Variants in ADAMTSL1 observed in about 807,000 individuals in gnomAD.
The protein encoded by ADAMTSL1 is ADAMTS like 1.
A neutral mutation model predicts 201.8 loss-of-function variants in ADAMTSL1; 126 were observed. The ratio of observed to expected loss-of-function variants is 0.62; its 90% CI spans 0.54 to 0.72. ADAMTSL1 has a LOEUF of 0.72. Ranked by LOEUF, ADAMTSL1 falls within the 30% of genes least tolerant of loss-of-function variation. The probability of loss-of-function intolerance (pLI) is 0.00; values close to 1 mark genes in which losing one functional copy is unlikely to be tolerated. For missense variants in ADAMTSL1, 2,679 were observed against 2,277.8 expected (o/e 1.18, Z -3.59); for synonymous variants, 1,121 against 903.4 (o/e 1.24, Z -4.32).
At chr9:18,843,103 T>C (rs1825841069) in intron 23 of ADAMTSL1, among the ~76,000 whole-genome samples, 1 of 151,178 alleles carries the variant, frequency 6.6e-6, no homozygotes, top group South Asian at 2.1e-4. Context: ...ATTTTGCTCG[T>C]TAGTTGATGC....
chr9:18,168,416 G>C (rs1470096287), intron 2 of ADAMTSL1, among the ~76,000 whole-genome samples: 2 of 151,850 alleles, frequency 1.3e-5, no homozygotes, highest in African/African-American at 2.4e-5. Flanking sequence ...GAGAATGATG[G>C]TTTCCAGCTT....
At chr9:18,222,430 A>G (rs1022983262) in intron 2 of ADAMTSL1, among the ~76,000 whole-genome samples, 8 of 151,830 alleles carry the variant, frequency 5.3e-5, no homozygotes, top group Non-Finnish European at 1.5e-5. Flanking sequence ...TGTGACATAC[A>G]TATTTAAATT....
At chr9:18,092,274 G>A (rs1164136798) in intron 1 of ADAMTSL1, among the ~76,000 whole-genome samples, 1 of 152,146 alleles carries the variant, frequency 6.6e-6, no homozygotes, top group African/African-American at 2.4e-5. Context: ...AGGTACCCAA[G>A]GCTGTGAGAG....
intron 4 of ADAMTSL1, among the ~76,000 whole-genome samples, chr9:18,606,664 T>C (rs1390570053): frequency 6.6e-6 from 1 of 152,204 alleles, no homozygotes; most frequent in East Asian, 1.9e-4. Context: ...TTTTGTCACC[T>C]GTTCAGTTGC....
intron 4 of ADAMTSL1, among the ~76,000 whole-genome samples, chr9:18,609,712 A>T (rs1379038061): frequency 6.6e-6 from 1 of 152,082 alleles, no homozygotes; most frequent in Non-Finnish European, 1.5e-5. Flanking sequence ...GTGACTACAT[A>T]TCCCCCCCCT....
intron 1 of ADAMTSL1, among the ~76,000 whole-genome samples, chr9:18,032,814 T>C (rs369975411): frequency 3.4e-4 from 52 of 152,290 alleles, no homozygotes; most frequent in African/African-American, 1.2e-3. Context: ...CTGTGGGTTT[T>C]TTGGAGTTCC....
intron 1 of ADAMTSL1, among the ~76,000 whole-genome samples, chr9:18,133,889 C>G (rs1419382815): frequency 6.6e-6 from 1 of 152,144 alleles, no homozygotes; most frequent in Non-Finnish European, 1.5e-5. Context: ...AACCATGATA[C>G]AATATTACAT....
At chr9:18,412,530 T>C (rs1386208783) in intron 2 of ADAMTSL1, among the ~76,000 whole-genome samples, 3 of 152,240 alleles carry the variant, frequency 2.0e-5, no homozygotes, top group Non-Finnish European at 2.9e-5. Flanking sequence ...AAAGATAGGA[T>C]AAATGCTTCA....
chr9:18,110,482 T>A (rs1486050196), intron 1 of ADAMTSL1, among the ~76,000 whole-genome samples: 1 of 152,186 alleles, frequency 6.6e-6, no homozygotes, highest in Non-Finnish European at 1.5e-5. Context: ...AGATAACTTC[T>A]TGTGACACAC....
Position 17,999,580 on chromosome 9 carries a change from GC to G in ADAMTSL1, c.87+92664del, listed in dbSNP as rs199618720. Among the ~76,000 whole-genome samples the G allele has an allele frequency of 7.5e-3, 1,125 of 150,176 alleles. 17 individuals carry two copies. The highest frequency in any genetic ancestry group is 0.026 in the African/African-American group (1,047 of 40,852). On this transcript the variant is annotated intron_variant, in intron 1 of 29. Coordinates refer to the ADAMTSL1 transcript ENST00000680146. ...TCATCATCCTTGATTTTTTTAGTGT[GC>G]CCCCCAGAAAATATTTTCAGACACT...
intron 3 of ADAMTSL1, among the ~76,000 whole-genome samples, chr9:18,554,898 G>A (rs778456018): frequency 2.0e-5 from 3 of 151,244 alleles, no homozygotes; most frequent in Non-Finnish European, 3.0e-5. Flanking sequence ...CATAGTTTAC[G>A]TCAAGGTTTA....
chr9:18,599,331 C>G (rs1824476173), intron 4 of ADAMTSL1, among the ~76,000 whole-genome samples: 2 of 152,168 alleles, frequency 1.3e-5, no homozygotes, highest in African/African-American at 2.4e-5. Flanking sequence ...TCCAGCTCTC[C>G]TGGCACCTGT....
At chr9:17,972,464 T>G (rs1401840497) in intron 1 of ADAMTSL1, among the ~76,000 whole-genome samples, 6 of 151,664 alleles carry the variant, frequency 4.0e-5, no homozygotes, top group Non-Finnish European at 8.8e-5. Flanking sequence ...GTTTCCAGTT[T>G]CATCCATGTC....
intron 9 of ADAMTSL1, among the ~76,000 whole-genome samples, chr9:18,664,627 T>C (rs908013402): frequency 3.3e-5 from 5 of 151,986 alleles, no homozygotes; most frequent in African/African-American, 1.2e-4. Flanking sequence ...GAGTCCCTTG[T>C]AGTAAGAAAA....
At chr9:18,179,572 T>C (rs1192000744) in intron 2 of ADAMTSL1, among the ~76,000 whole-genome samples, 2 of 152,146 alleles carry the variant, frequency 1.3e-5, no homozygotes, top group African/African-American at 2.4e-5. Flanking sequence ...GACACATAAT[T>C]GTCAGATTCA....
intron 15 of ADAMTSL1, among the ~76,000 whole-genome samples, chr9:18,724,701 A>G (rs1817759211): frequency 6.6e-6 from 1 of 152,200 alleles, no homozygotes. Flanking sequence ...AGTGTTTATT[A>G]TATAAATGAG....
chr9:18,060,210 A>G (rs1254432067), intron 1 of ADAMTSL1, among the ~76,000 whole-genome samples: 1 of 152,098 alleles, frequency 6.6e-6, no homozygotes, highest in Non-Finnish European at 1.5e-5. Context: ...CATATCATAT[A>G]CCCTACTTTG....
At chr9:18,562,944 TTGCATTGGGTTAGAACA>T (rs1485076453) in intron 3 of ADAMTSL1, among the ~76,000 whole-genome samples, 5 of 152,218 alleles carry the variant, frequency 3.3e-5, no homozygotes, top group Non-Finnish European at 7.3e-5. Context: ...CTTAGCTTCC[TTGCATTGGGTTAGAACA>T]TGCTCCTTTA....
At chr9:18,612,329 A>C (rs1587705805) in intron 4 of ADAMTSL1, among the ~76,000 whole-genome samples, 1 of 152,304 alleles carries the variant, frequency 6.6e-6, no homozygotes, top group Non-Finnish European at 1.5e-5. Context: ...AGAGAGTTTA[A>C]ATGGTAACAG....
Sources: allele counts gnomAD v4.1 joint callset (sites outside exome capture counted in the v4.1 genomes callset), GRCh38; gene constraint gnomAD v4.1.1; transcripts MANE v1.5; gene names NCBI Gene and HGNC (gene_info 2026-07-23, HGNC 2026-07-21).